Variants in FLT1 observed in about 807,000 individuals in gnomAD.
FLT1 encodes the protein vascular endothelial growth factor receptor 1.
Under a neutral mutation model 156.3 loss-of-function variants are expected in FLT1, and 49 were observed. That is an observed-to-expected ratio of 0.31 (90% confidence interval 0.25 to 0.40). The LOEUF (loss-of-function observed/expected upper bound fraction) is 0.40, where lower values mean the gene tolerates loss of function less well. Ranked by LOEUF, FLT1 falls within the 10% of genes least tolerant of loss-of-function variation. The probability of loss-of-function intolerance (pLI) is 1.00; values close to 1 mark genes in which losing one functional copy is unlikely to be tolerated. For missense variants in FLT1, 1,322 were observed against 1,637.2 expected, an observed-to-expected ratio of 0.81 and a Z score of 3.32; for synonymous variants, 594 against 583.8, an observed-to-expected ratio of 1.02 and a Z score of -0.25.
intron 14 of FLT1, among the ~76,000 whole-genome samples, chr13:28,366,326 C>T (rs1593712107): frequency 6.6e-6 from 1 of 152,174 alleles, no homozygotes; most frequent in African/African-American, 2.4e-5. Flanking sequence ...TGCTGCATCC[C>T]TACATGTGTC....
At chr13:28,409,922 A>G (rs1046763647) in intron 10 of FLT1, among the ~76,000 whole-genome samples, 1 of 151,792 alleles carries the variant, frequency 6.6e-6, no homozygotes, top group Admixed American at 6.6e-5. Flanking sequence ...TTTGCTAAAC[A>G]TCTCTCATCT....
At chr13:28,434,725 A>G (rs1342688363) in intron 4 of FLT1, among the ~76,000 whole-genome samples, 1 of 152,200 alleles carries the variant, frequency 6.6e-6, no homozygotes, top group Non-Finnish European at 1.5e-5. Context: ...TCTACTAGAA[A>G]TACAAAAATT....
chr13:28,302,653 C>T lies in FLT1; in HGVS notation c.*514G>A, dbSNP rs181971091. ...TCAAATTCTTTCTCATGCCTTCTCC[C>T]GGTTTCTCTTTTCTCCCTTGCTTTT... On this transcript the variant is annotated 3_prime_UTR_variant, in exon 30 of 30. Coordinates refer to ENST00000282397, the MANE Select transcript of FLT1 (RefSeq NM_002019.4). 11 of 235,698 alleles carry T rather than the reference C, an allele frequency of 4.7e-5. No homozygotes were observed. Among genetic ancestry groups the T allele is most frequent in the African/African-American group, 1.8e-4 (8 of 45,468 alleles). The allele number at this position is 235,698 out of a possible 1,614,324, so 14.6% of individuals were successfully genotyped here.
intron 16 of FLT1, 49 bp downstream of exon 16, chr13:28,345,396 T>C (rs1872527240): frequency 8.2e-7 from 1 of 1,218,356 alleles, no homozygotes; most frequent in African/African-American, 1.5e-5. Flanking sequence ...AGATCGGGCT[T>C]TTTAGAATAT....
chr13:28,471,795 T>C (rs1046482666), intron 1 of FLT1, among the ~76,000 whole-genome samples: 1 of 152,242 alleles, frequency 6.6e-6, no homozygotes, highest in Non-Finnish European at 1.5e-5. Flanking sequence ...CAATAAATGA[T>C]CTTGTCCCTT....
chr13:28,317,983 C>G (rs147802275), intron 24 of FLT1, among the ~76,000 whole-genome samples: 1 of 151,684 alleles, frequency 6.6e-6, no homozygotes, highest in South Asian at 2.1e-4. Context: ...TTTGAAGAGA[C>G]GGGTCTCCCT....
Position 28,439,275 on chromosome 13 carries a change from C to A in FLT1, c.389-930G>T, listed in dbSNP as rs1233164432. On this transcript the variant is annotated intron_variant, in intron 3 of 29. Coordinates refer to ENST00000282397, the MANE Select transcript of FLT1 (RefSeq NM_002019.4). This position sits in a 1 kb window ranked among gnomAD's most constrained non-coding sequence, Gnocchi z 4.1. ...CGGGAGTCATTGTGTTCTGATCGTC[C>A]CGCATTTGTTCCAGCCTTATATACT... is the stretch of plus-strand genomic sequence containing the variant. Among the ~76,000 whole-genome samples, 1 of 152,146 alleles carries A rather than the reference C, an allele frequency of 6.6e-6. No homozygotes were observed. Among genetic ancestry groups the A allele is most frequent in the Non-Finnish European group, 1.5e-5 (1 of 68,034 alleles).
intron 1 of FLT1, among the ~76,000 whole-genome samples, chr13:28,488,163 C>G (rs372513195): frequency 6.6e-6 from 1 of 151,960 alleles, no homozygotes; most frequent in Non-Finnish European, 1.5e-5. Flanking sequence ...TTTGGGAGAT[C>G]GAGGCGGGTG....
intron 14 of FLT1, among the ~76,000 whole-genome samples, chr13:28,376,871 T>A (rs1873860637): frequency 6.6e-6 from 1 of 152,168 alleles, no homozygotes; most frequent in African/African-American, 2.4e-5. Context: ...GGTCAAGGGT[T>A]CTCCAAGGTG....
chr13:28,442,576 C>A (rs896654257), intron 3 of FLT1, among the ~76,000 whole-genome samples: 7 of 152,108 alleles, frequency 4.6e-5, no homozygotes, highest in African/African-American at 1.4e-4. Flanking sequence ...GAAATTCTAT[C>A]CGAAGATATC....
In FLT1 at chr13:28,427,880, T is replaced by C. The variant is rs765357374; in HGVS notation, c.1148A>G (p.Tyr383Cys). Residue 383 changes from tyrosine to cysteine, a missense_variant, in exon 9 of 30, where the codon TAT (tyrosine) becomes TGT (cysteine). Physicochemically the swap from Tyr to Cys is radical, Grantham distance 194. This residue lies in a region of FLT1 where 991 missense variants were observed against 1,254.8 expected (regional missense o/e 0.79). Transcript: ENST00000282397. ...GLPATEKSAR[Y>C]LTRGYSLIIK... is the part of the protein sequence containing the mutation. Reference sequence around the variant, plus strand: ...AATTAACGAGTAGCCACGAGTCAAATAGCGAGCAGATTTCTCAGTCGCAGG... The same window carrying C: ...AATTAACGAGTAGCCACGAGTCAAACAGCGAGCAGATTTCTCAGTCGCAGG... The C allele has an allele frequency of 3.8e-5, 62 of 1,613,888 alleles. No homozygotes were observed. Among genetic ancestry groups the C allele is most frequent in the Middle Eastern group, 1.6e-4 (1 of 6,082 alleles).
intron 24 of FLT1, among the ~76,000 whole-genome samples, chr13:28,319,024 C>T (rs1662425151): frequency 6.6e-6 from 1 of 152,142 alleles, no homozygotes; most frequent in African/African-American, 2.4e-5. Context: ...TTGTTATGGC[C>T]TTTCCTAGGA....
At chr13:28,407,360 C>T (rs1477681262) in intron 10 of FLT1, among the ~76,000 whole-genome samples, 2 of 141,124 alleles carry the variant, frequency 1.4e-5, no homozygotes, top group African/African-American at 5.1e-5. Flanking sequence ...ACATTGGTTT[C>T]ATCTACCCCT....
intron 23 of FLT1, among the ~76,000 whole-genome samples, chr13:28,320,560 G>A (rs945044313): frequency 2.0e-5 from 3 of 149,746 alleles, no homozygotes; most frequent in African/African-American, 7.4e-5. Context: ...TTTTTTTTTA[G>A]CTCATCAGCT....
At chr13:28,353,223 C>T (rs901627396) in intron 15 of FLT1, among the ~76,000 whole-genome samples, 2 of 152,168 alleles carry the variant, frequency 1.3e-5, no homozygotes, top group African/African-American at 4.8e-5. Flanking sequence ...AAGTTGTCTT[C>T]TCCTATGTAC....
At position 28,427,476 on chromosome 13, in the gene FLT1, C is replaced by A. The variant is rs560575608; in HGVS notation, c.1277-158G>T. ...AACCCTCCTATTTGTCAAGAAAATG[C>A]AGATTTTTAAAAGTAGTAGCAGGGT... is the stretch of plus-strand genomic sequence containing the variant. On this transcript the variant is annotated intron_variant, in intron 9 of 29. Coordinates refer to ENST00000282397, the MANE Select transcript of FLT1 (RefSeq NM_002019.4). 2.4e-4 allele frequency among the ~76,000 whole-genome samples: 36 copies of A among 152,148 alleles called. 1 individual carries two copies. In the South Asian group the frequency reaches 7.5e-3, roughly 32 times the overall value.
chr13:28,398,596 G>C (rs1875212533), intron 11 of FLT1, among the ~76,000 whole-genome samples: 1 of 152,206 alleles, frequency 6.6e-6, no homozygotes, highest in Non-Finnish European at 1.5e-5. Flanking sequence ...GTGGTATAGT[G>C]AGTAGTACAC....
chr13:28,427,423 A>T lies in FLT1; in HGVS notation c.1277-105T>A, dbSNP rs1877412713. The T allele has an allele frequency of 4.6e-6, 5 of 1,088,618 alleles. No individual in the cohort carries two copies. The African/African-American group carries it at 7.8e-5, about 17-fold the overall frequency. 67.4% of individuals were successfully genotyped at this position (1,088,618 alleles called of 1,614,324 possible). On this transcript the variant is annotated intron_variant, in intron 9 of 29. Coordinates refer to ENST00000282397, the MANE Select transcript of FLT1 (RefSeq NM_002019.4). ...ATTCTCACTGGCTTTGATGTCAGGGAAACAAACAAGAAACAAAAAAACAAA... is the reference window on the plus strand; with the variant it reads ...ATTCTCACTGGCTTTGATGTCAGGGTAACAAACAAGAAACAAAAAAACAAA...
At chr13:28,417,450 A>G (rs1876717641) in intron 10 of FLT1, among the ~76,000 whole-genome samples, 1 of 151,952 alleles carries the variant, frequency 6.6e-6, no homozygotes, top group African/African-American at 2.4e-5. Context: ...TCTACCACCC[A>G]TGGTCGGCTC....
Sources: allele counts gnomAD v4.1 joint callset (sites outside exome capture counted in the v4.1 genomes callset), GRCh38; gene constraint gnomAD v4.1.1; regional missense constraint gnomAD v4.1.1; non-coding constraint Gnocchi (gnomAD v3.1); transcripts MANE v1.5; gene names NCBI Gene and HGNC (gene_info 2026-07-23, HGNC 2026-07-21).